The following SYT14 variants were observed in gnomAD, a reference collection of about 807,000 sequenced individuals.
SYT14 encodes synaptotagmin 14, also known as synaptotagmin-14.
SYT14 carries 32 observed loss-of-function variants against 74.2 expected under a neutral mutation model. The ratio of observed to expected loss-of-function variants is 0.43; its 90% confidence interval spans 0.33 to 0.58. The LOEUF is 0.58. SYT14 is among the 20% of genes least tolerant of loss of function. SYT14 has a pLI of 0.05. For missense variants in SYT14, 791 were observed against 981.8 expected (o/e 0.81, Z 2.60); for synonymous variants, 298 against 337.7 (o/e 0.88, Z 1.29).
intron 6 of SYT14, 73 bp downstream of exon 5, chr1:210,094,666 GT>G: frequency 6.6e-7 from 1 of 1,512,084 alleles, no homozygotes; most frequent in Non-Finnish European, 9.2e-7. Flanking sequence ...TCTCCTCTTG[GT>G]AAGAAGAATT....
intron 1 of SYT14, among the ~76,000 whole-genome samples, chr1:209,940,661 C>T (rs1280792301): frequency 6.6e-6 from 1 of 152,126 alleles, no homozygotes; most frequent in African/African-American, 2.4e-5. Flanking sequence ...CGTCTGTCTA[C>T]CCATCCTAGT....
chr1:210,085,643 ATTTG>A (rs1558179405), intron 5 of SYT14, among the ~76,000 whole-genome samples: 1 of 152,148 alleles, frequency 6.6e-6, no homozygotes. Flanking sequence ...TACTTTTTAT[ATTTG>A]TTCTTTCAGT....
chr1:209,957,275 C>G (rs889299863), intron 2 of SYT14, among the ~76,000 whole-genome samples: 2 of 152,080 alleles, frequency 1.3e-5, no homozygotes, highest in Non-Finnish European at 2.9e-5. Flanking sequence ...TTGTTTACAC[C>G]AAAGCCTTTC....
At chr1:210,006,801 ATTAT>A (rs1172763752) in intron 2 of SYT14, among the ~76,000 whole-genome samples, 1 of 151,944 alleles carries the variant, frequency 6.6e-6, no homozygotes, top group African/African-American at 2.4e-5. Flanking sequence ...TGATAGAAAT[ATTAT>A]TTAGAGTATT....
chr1:210,148,203 A>T (rs2083080972), intron 7 of SYT14, among the ~76,000 whole-genome samples: 1 of 152,180 alleles, frequency 6.6e-6, no homozygotes, highest in African/African-American at 2.4e-5. Context: ...TTCAGCCCCT[A>T]TCAGTATTAT....
chr1:209,984,438 G>T (rs919378044), intron 2 of SYT14, among the ~76,000 whole-genome samples: 7 of 152,070 alleles, frequency 4.6e-5, no homozygotes, highest in African/African-American at 1.7e-4. Flanking sequence ...TTCAGTGGAG[G>T]TACATACCCT....
chr1:210,112,519 A>C (rs745696349), intron 7 of SYT14, among the ~76,000 whole-genome samples: 1 of 151,344 alleles, frequency 6.6e-6, no homozygotes, highest in Non-Finnish European at 1.5e-5. Context: ...GAAGAGATTG[A>C]TAAGTGGAAG....
rs1035251037 is a variant in SYT14 at position 209,976,322 on chromosome 1, C to T, written c.-486+23566C>T. ...GGGTGTCAATTTTGGATCTTTCCTGCTTTCTCTTGTGGGCATTTAGTGCTA... is the reference window on the plus strand; with the variant it reads ...GGGTGTCAATTTTGGATCTTTCCTGTTTTCTCTTGTGGGCATTTAGTGCTA... On this transcript the variant is annotated intron_variant, in intron 2 of 9. Transcript: ENST00000637265. 3.2e-4 allele frequency among the ~76,000 whole-genome samples: 45 copies of T among 142,426 alleles called. 1 individual carries two copies. Among genetic ancestry groups the T allele is most frequent in the African/African-American group, 1.1e-3 (43 of 37,694 alleles). The allele number at this position is 142,426 out of a possible 152,430, so 93.4% of individuals were successfully genotyped here. A position where few individuals can be genotyped will look rare whatever the true frequency, so the allele number is the denominator to read the frequency against.
In SYT14 at chr1:210,159,850, A is replaced by C. The variant is rs183637472; in HGVS notation, c.2281+373A>C. ...CTGAAGATCATTTGCATGAGTCTAA[A>C]AAACTTGAAAACAGTCTTATAAAGA... On this transcript the variant is annotated intron_variant, in intron 9 of 9. Transcript: ENST00000637265. 5.3e-5 allele frequency among the ~76,000 whole-genome samples: 8 copies of C among 152,326 alleles called. No individual in the cohort carries two copies. In the East Asian group the frequency reaches 1.5e-3, roughly 29 times the overall value.
intron 8 of SYT14, among the ~76,000 whole-genome samples, chr1:210,158,312 C>T (rs1452044353): frequency 6.6e-6 from 1 of 152,086 alleles, no homozygotes; most frequent in Non-Finnish European, 1.5e-5. Context: ...AGGCCTGTGA[C>T]AAACATAAGA....
At chr1:209,986,141 T>C (rs1412705747) in intron 2 of SYT14, among the ~76,000 whole-genome samples, 1 of 152,228 alleles carries the variant, frequency 6.6e-6, no homozygotes, top group South Asian at 2.1e-4. Flanking sequence ...GCCTTGAAAT[T>C]GGGCCTTTCT....
At chr1:210,096,564 T>A (rs1368874355) in intron 6 of SYT14, among the ~76,000 whole-genome samples, 1 of 152,214 alleles carries the variant, frequency 6.6e-6, no homozygotes, top group East Asian at 1.9e-4. Flanking sequence ...TGTCTCACTG[T>A]CTTCTTTTCC....
At chr1:209,950,172 C>T (rs556219484) in intron 1 of SYT14, among the ~76,000 whole-genome samples, 4 of 152,100 alleles carry the variant, frequency 2.6e-5, no homozygotes, top group African/African-American at 9.6e-5. Context: ...AAAAGTACAG[C>T]CTTTTTACGT....
chr1:209,944,039 A>C (rs369380238), intron 1 of SYT14, among the ~76,000 whole-genome samples: 1 of 152,146 alleles, frequency 6.6e-6, no homozygotes, highest in East Asian at 1.9e-4. Context: ...TTATTTTCAC[A>C]TTTTTAGGAC....
At chr1:210,059,451 TAGAGAGAGAGAGAGAGAG>T (rs1553272603) in intron 5 of SYT14, among the ~76,000 whole-genome samples, 3 of 69,892 alleles carry the variant, frequency 4.3e-5, no homozygotes, top group East Asian at 8.7e-4. Flanking sequence ...TATATATATA[TAGAGAGAGAGAGAGAGAG>T]AGAGAGAGAG....
At chr1:210,163,562 T>C (rs999662429) in exon 10 of SYT14, 5 of 453,358 alleles carry the variant, frequency 1.1e-5, no homozygotes, top group Non-Finnish European at 2.2e-5. Context: ...TAGAAAAACA[T>C]TTCATACATT....
chr1:210,034,233 G>T (rs1476911856), intron 5 of SYT14, among the ~76,000 whole-genome samples: 4 of 151,714 alleles, frequency 2.6e-5, no homozygotes. Context: ...GTATGGCAGG[G>T]CCAAAATTTA....
At chr1:210,077,001 T>G (rs767943619) in intron 5 of SYT14, among the ~76,000 whole-genome samples, 7 of 152,226 alleles carry the variant, frequency 4.6e-5, no homozygotes, top group Non-Finnish European at 8.8e-5. Context: ...AGGTTCTTCC[T>G]TATTGTAGAA....
chr1:209,970,971 C>T (rs1203348807), intron 2 of SYT14, among the ~76,000 whole-genome samples: 1 of 151,710 alleles, frequency 6.6e-6, no homozygotes. Context: ...TGAGCCACTG[C>T]GCCCAGGGCA....
Sources: allele counts gnomAD v4.1 joint callset (sites outside exome capture counted in the v4.1 genomes callset), GRCh38; gene constraint gnomAD v4.1.1; transcripts MANE v1.5; gene names NCBI Gene and HGNC (gene_info 2026-07-23, HGNC 2026-07-21).